KCNK2: variants seen among roughly 807,000 people sequenced by gnomAD.
KCNK2 encodes the protein potassium two pore domain channel subfamily K member 2.
Under a neutral mutation model 40.5 loss-of-function variants are expected in KCNK2, and 21 were observed. The observed-to-expected ratio is 0.52, with a 90% CI of 0.37 to 0.75. The LOEUF (loss-of-function observed/expected upper bound fraction) is 0.75, where lower values mean the gene tolerates loss of function less well. Among genes scored for constraint, KCNK2 ranks in the 30% least tolerant of loss-of-function variants. KCNK2 has a pLI of 0.00. For missense variants in KCNK2, 399 were observed against 531.6 expected, an observed-to-expected ratio of 0.75 and a Z score of 2.45; for synonymous variants, 191 against 202.2, an observed-to-expected ratio of 0.94 and a Z score of 0.47.
intron 6 of KCNK2, among the ~76,000 whole-genome samples, chr1:215,197,580 C>T (rs529767291): frequency 1.3e-5 from 2 of 152,314 alleles, no homozygotes; most frequent in East Asian, 3.9e-4. Flanking sequence ...TTCTTTAAAG[C>T]CGTGTCTCCA....
rs747733411 is a variant in KCNK2 at position 215,086,326 on chromosome 1, C to T, written c.47-42C>T. On this transcript the variant is annotated intron_variant, in intron 1 of 6. Coordinates refer to ENST00000444842, the MANE Select transcript of KCNK2 (RefSeq NM_001017425.3). The stretch of plus-strand genomic sequence containing the variant: ...AAGAAGAAGCCCGACCAATTCCCTT[C>T]TCATCTCCTCCAACCTAACCCTCAT... 5.9e-5 allele frequency: 89 copies of T among 1,519,980 alleles called. 1 individual carries two copies. The highest frequency in any genetic ancestry group is 8.5e-5 in the Admixed American group (5 of 58,634). The allele number at this position is 1,519,980 out of a possible 1,614,324, so 94.2% of individuals were successfully genotyped here.
At chr1:215,158,753 T>C (rs1663057507) in intron 3 of KCNK2, among the ~76,000 whole-genome samples, 1 of 151,994 alleles carries the variant, frequency 6.6e-6, no homozygotes, top group African/African-American at 2.4e-5. Flanking sequence ...TTGGATGAAA[T>C]AGGATAACTC....
chr1:215,039,990 C>T (rs1308023199), intron 1 of KCNK2, among the ~76,000 whole-genome samples: 1 of 152,052 alleles, frequency 6.6e-6, no homozygotes, highest in Admixed American at 6.6e-5. Context: ...TTATGGAATG[C>T]CATTCTTTGG....
rs201482650 is a variant in KCNK2, at chr1:215,083,194, T to TC, written c.-183dup. The stretch of plus-strand genomic sequence containing the variant: ...CCCGCGATTTCGTTTCTTCTCACGC[T>TC]CCCCCCCCCGCCCCCTCCCGCGTCC... On this transcript the variant is annotated 5_prime_UTR_variant, in exon 1 of 7. Transcript: ENST00000444842. 2.8e-3 allele frequency: 1,428 copies of TC among 502,458 alleles called. 23 individuals carry two copies. The African/African-American group carries it at 0.029, about 10-fold the overall frequency. 31.1% of individuals were successfully genotyped at this position (502,458 alleles called of 1,614,324 possible).
chr1:215,050,380 A>T (rs1035263823), intron 1 of KCNK2, among the ~76,000 whole-genome samples: 2 of 152,188 alleles, frequency 1.3e-5, no homozygotes, highest in African/African-American at 2.4e-5. Context: ...GTCATGTCAT[A>T]ACTATTCATT....
chr1:215,153,874 T>C (rs949787733), intron 3 of KCNK2, among the ~76,000 whole-genome samples: 2 of 152,178 alleles, frequency 1.3e-5, no homozygotes, highest in African/African-American at 4.8e-5. Flanking sequence ...GTTAGTTTGC[T>C]GAGAATGATG....
At chr1:215,216,292 T>G (rs1312271984) in intron 6 of KCNK2, among the ~76,000 whole-genome samples, 2 of 150,904 alleles carry the variant, frequency 1.3e-5, no homozygotes, top group Admixed American at 1.3e-4. Context: ...AAAGATGGTG[T>G]GGAAAGGGCT....
At chr1:215,034,981 G>A (rs1031636965) in intron 1 of KCNK2, among the ~76,000 whole-genome samples, 14 of 151,936 alleles carry the variant, frequency 9.2e-5, no homozygotes, top group Admixed American at 4.6e-4. Context: ...CTCTGACAGT[G>A]AAAAACCTGG....
At chr1:215,195,692 T>C (rs1664835440) in intron 6 of KCNK2, among the ~76,000 whole-genome samples, 1 of 152,186 alleles carries the variant, frequency 6.6e-6, no homozygotes, top group Non-Finnish European at 1.5e-5. Context: ...TTTTGACCCA[T>C]GAAATTTGGG....
intron 1 of KCNK2, among the ~76,000 whole-genome samples, chr1:215,049,676 A>C (rs796917480): frequency 6.6e-6 from 1 of 152,162 alleles, no homozygotes; most frequent in African/African-American, 2.4e-5. Context: ...TGAATAAAAT[A>C]TGAGGTTTAG....
chr1:215,156,495 T>C (rs930277397), intron 3 of KCNK2, among the ~76,000 whole-genome samples: 1 of 152,202 alleles, frequency 6.6e-6, no homozygotes, highest in Non-Finnish European at 1.5e-5. Flanking sequence ...TTTGACTCTG[T>C]AATGTGTTGG....
At chr1:215,193,523 A>T (rs1433531288) in intron 5 of KCNK2, among the ~76,000 whole-genome samples, 1 of 151,782 alleles carries the variant, frequency 6.6e-6, no homozygotes, top group Non-Finnish European at 1.5e-5. Flanking sequence ...CCTCTCACTT[A>T]TCCCACCAAG....
chr1:215,061,780 G>T (rs1658370513), intron 1 of KCNK2, among the ~76,000 whole-genome samples: 1 of 151,940 alleles, frequency 6.6e-6, no homozygotes, highest in South Asian at 2.1e-4. Flanking sequence ...CAGAATAAAA[G>T]ATGATTGTCC....
intron 2 of KCNK2, among the ~76,000 whole-genome samples, chr1:215,100,760 T>A (rs1660173964): frequency 6.6e-6 from 1 of 151,978 alleles, no homozygotes. Context: ...ATCAAGTGCA[T>A]AACAAAAACA....
At chr1:215,115,991 A>G (rs1660922193) in intron 2 of KCNK2, among the ~76,000 whole-genome samples, 1 of 143,974 alleles carries the variant, frequency 6.9e-6, no homozygotes, top group Non-Finnish European at 1.5e-5. Flanking sequence ...CACTGTGCTC[A>G]TTTCATTGAG....
At chr1:215,114,163 A>C (rs973635537) in intron 2 of KCNK2, among the ~76,000 whole-genome samples, 12 of 152,164 alleles carry the variant, frequency 7.9e-5, no homozygotes, top group Admixed American at 7.9e-4. Flanking sequence ...CACCAGCCTC[A>C]TGCTTATTAT....
intron 2 of KCNK2, among the ~76,000 whole-genome samples, chr1:215,093,764 A>ATT (rs1417232290): frequency 1.1e-4 from 4 of 36,912 alleles, no homozygotes; most frequent in African/African-American, 4.4e-4. Flanking sequence ...TATATTATAT[A>ATT]ATATAAAATA....
Position 215,169,235 on chromosome 1 carries a change from A to C in KCNK2, c.512A>C (p.Lys171Thr), listed in dbSNP as rs149276942. 1 of 1,611,446 alleles carries C rather than the reference A, an allele frequency of 6.2e-7. No individual in the cohort carries two copies. Among genetic ancestry groups the C allele is most frequent in the African/African-American group, 1.3e-5 (1 of 74,804 alleles). ...ATCTCACCACGCACAGAAGGCGGCA[A>C]AATATTCTGTATCATCTATGCCTTA... ...GNISPRTEGGKIFCIIYALLG... is the reference protein window; with the variant it reads ...GNISPRTEGGTIFCIIYALLG... Residue 171 changes from lysine to threonine, a missense_variant, in exon 4 of 7, where the codon AAA becomes ACA. Transcript: ENST00000444842.
chr1:215,036,595 C>T (rs980222630), intron 1 of KCNK2, among the ~76,000 whole-genome samples: 4 of 151,730 alleles, frequency 2.6e-5, no homozygotes, highest in African/African-American at 7.3e-5. Flanking sequence ...TGAATTGACA[C>T]GTGTTAAATC....
Sources: allele counts gnomAD v4.1 joint callset (sites outside exome capture counted in the v4.1 genomes callset), GRCh38; gene constraint gnomAD v4.1.1; transcripts MANE v1.5; gene names NCBI Gene and HGNC (gene_info 2026-07-23, HGNC 2026-07-21).